GRM7: variants seen among roughly 807,000 people sequenced by gnomAD.
GRM7 encodes metabotropic glutamate receptor 7.
GRM7 carries 35 observed loss-of-function variants against 84.5 expected under a neutral mutation model. The ratio of observed to expected loss-of-function variants is 0.41; its 90% CI spans 0.32 to 0.55. The LOEUF (loss-of-function observed/expected upper bound fraction) is 0.55. Ranked by LOEUF, GRM7 falls within the 20% of genes least tolerant of loss-of-function variation. The probability of loss-of-function intolerance (pLI) is 0.19; values close to 1 mark genes in which losing one functional copy is unlikely to be tolerated. For missense variants in GRM7, 1,003 were observed against 1,194.6 expected (o/e 0.84, Z 2.36); for synonymous variants, 487 against 455.1 (o/e 1.07, Z -0.89).
At chr3:7,555,014 G>C (rs1339288486) in intron 7 of GRM7, among the ~76,000 whole-genome samples, 1 of 152,176 alleles carries the variant, frequency 6.6e-6, no homozygotes, top group East Asian at 1.9e-4. Flanking sequence ...TAGAAGCACA[G>C]ATACTGAAGT....
chr3:7,145,928 A>G (rs1192767317), intron 1 of GRM7, among the ~76,000 whole-genome samples: 2 of 152,186 alleles, frequency 1.3e-5, no homozygotes, highest in Admixed American at 1.3e-4. Context: ...GCTACTTTAA[A>G]ATGTTCTTGT....
At chr3:7,399,818 G>A (rs1291317833) in intron 4 of GRM7, among the ~76,000 whole-genome samples, 1 of 152,190 alleles carries the variant, frequency 6.6e-6, no homozygotes, top group African/African-American at 2.4e-5. Flanking sequence ...CCTGCTGTGA[G>A]TAGAAGCAGA....
chr3:7,114,616 G>A (rs1692969038), intron 1 of GRM7, among the ~76,000 whole-genome samples: 1 of 152,112 alleles, frequency 6.6e-6, no homozygotes, highest in African/African-American at 2.4e-5. Flanking sequence ...AAACGCACAG[G>A]TCCAATTGAG....
At chr3:6,971,206 A>G (rs1693739842) in intron 1 of GRM7, among the ~76,000 whole-genome samples, 1 of 152,068 alleles carries the variant, frequency 6.6e-6, no homozygotes. Context: ...ACAACAAAGC[A>G]CTTTGCTAAT....
chr3:7,126,266 A>G (rs1693396088), intron 1 of GRM7, among the ~76,000 whole-genome samples: 1 of 152,198 alleles, frequency 6.6e-6, no homozygotes, highest in Admixed American at 6.5e-5. Flanking sequence ...CTTTGTTAAA[A>G]TTTGAAATTA....
chr3:7,132,978 T>A (rs544003196), intron 1 of GRM7, among the ~76,000 whole-genome samples: 1 of 152,180 alleles, frequency 6.6e-6, no homozygotes, highest in Admixed American at 6.5e-5. Flanking sequence ...AACATACTTA[T>A]ACAAGTGGTG....
At chr3:7,381,207 T>C (rs1199802185) in intron 4 of GRM7, among the ~76,000 whole-genome samples, 1 of 152,196 alleles carries the variant, frequency 6.6e-6, no homozygotes, top group Non-Finnish European at 1.5e-5. Context: ...ATTTTTATTC[T>C]TTTTATTTGT....
In GRM7 at chr3:7,396,841, T is replaced by A. The variant is rs556220324; in HGVS notation, c.1034-18182T>A. Among the ~76,000 whole-genome samples, 3 of 152,300 alleles carry A rather than the reference T, an allele frequency of 2.0e-5. No homozygotes were observed. In the East Asian group the frequency reaches 5.8e-4, roughly 29 times the overall value. Reference sequence around the variant, plus strand: ...TTTAAAGTGCTACCTCTGGCTTATATGGTGTATTAAAATAGTTTCGTACCA... The same window carrying A: ...TTTAAAGTGCTACCTCTGGCTTATAAGGTGTATTAAAATAGTTTCGTACCA... On this transcript the variant is annotated intron_variant, in intron 4 of 9. Coordinates refer to ENST00000357716, the MANE Select transcript of GRM7 (RefSeq NM_000844.4).
chr3:7,327,168 A>G (rs1286415371), intron 4 of GRM7, among the ~76,000 whole-genome samples: 1 of 152,224 alleles, frequency 6.6e-6, no homozygotes, highest in African/African-American at 2.4e-5. Flanking sequence ...CTGTGAAGTT[A>G]TTGTTTATTG....
intron 2 of GRM7, among the ~76,000 whole-genome samples, chr3:7,245,677 T>G (rs763916975): frequency 6.6e-6 from 1 of 151,944 alleles, no homozygotes; most frequent in African/African-American, 2.4e-5. Flanking sequence ...AAATGACAAA[T>G]GGAATTTGAA....
chr3:7,597,155 C>T (rs932592392), intron 8 of GRM7, among the ~76,000 whole-genome samples: 20 of 152,016 alleles, frequency 1.3e-4, no homozygotes, highest in African/African-American at 3.6e-4. Context: ...GGGGAGGTCT[C>T]AGGAAGTTTT....
chr3:7,667,882 C>T (rs906429663), intron 8 of GRM7, among the ~76,000 whole-genome samples: 3 of 145,230 alleles, frequency 2.1e-5, no homozygotes, highest in African/African-American at 7.7e-5. Flanking sequence ...AAAAAAACTT[C>T]AACGCCTGAA....
intron 1 of GRM7, among the ~76,000 whole-genome samples, chr3:7,077,415 G>A (rs1007045917): frequency 1.3e-5 from 2 of 152,032 alleles, no homozygotes; most frequent in African/African-American, 2.4e-5. Context: ...GAGTTCATGT[G>A]CTTTGCAGGA....
At chr3:7,669,049 A>G (rs1437508768) in intron 8 of GRM7, among the ~76,000 whole-genome samples, 1 of 152,254 alleles carries the variant, frequency 6.6e-6, no homozygotes, top group Non-Finnish European at 1.5e-5. Flanking sequence ...AGCAAGTGGC[A>G]TAAGCCCGCA....
intron 3 of GRM7, among the ~76,000 whole-genome samples, chr3:7,299,974 A>G (rs1699941551): frequency 6.6e-6 from 1 of 151,600 alleles, no homozygotes; most frequent in African/African-American, 2.4e-5. Flanking sequence ...AAAACATAAC[A>G]TGCAAATATA....
At chr3:7,091,111 G>A (rs1315119350) in intron 1 of GRM7, among the ~76,000 whole-genome samples, 1 of 151,592 alleles carries the variant, frequency 6.6e-6, no homozygotes, top group East Asian at 1.9e-4. Flanking sequence ...TTTTGTACAA[G>A]TTGAGTGATA....
intron 1 of GRM7, among the ~76,000 whole-genome samples, chr3:6,882,177 T>C (rs1278630790): frequency 3.3e-5 from 5 of 152,284 alleles, no homozygotes; most frequent in Non-Finnish European, 7.3e-5. Flanking sequence ...TTTTACTCTG[T>C]ACAACTTTTA....
At chr3:7,647,039 T>C (rs892931402) in intron 8 of GRM7, among the ~76,000 whole-genome samples, 1 of 152,174 alleles carries the variant, frequency 6.6e-6, no homozygotes, top group Non-Finnish European at 1.5e-5. Context: ...AATGTTCCCT[T>C]GGCATTTTAT....
chr3:7,011,597 A>ATCAC (rs1559382885), intron 1 of GRM7, among the ~76,000 whole-genome samples: 1 of 152,190 alleles, frequency 6.6e-6, no homozygotes, highest in Non-Finnish European at 1.5e-5. Context: ...TTACATAGCT[A>ATCAC]TCACTCAATG....
Sources: gnomAD v4.1 joint callset for allele counts (sites outside exome capture counted in the v4.1 genomes callset) on GRCh38, gnomAD v4.1.1 for gene constraint, MANE v1.5 for transcripts, NCBI Gene and HGNC (gene_info 2026-07-23, HGNC 2026-07-21) for gene names.